The following ACOT11 variants were observed in gnomAD, a reference collection of about 807,000 sequenced individuals.
The protein encoded by ACOT11 is acyl-CoA thioesterase 11, also known as acyl-coenzyme A thioesterase 11.
A neutral mutation model predicts 77.5 loss-of-function variants in ACOT11; 69 were observed. The ratio of observed to expected loss-of-function variants is 0.89; its 90% CI spans 0.73 to 1.09. ACOT11 has a LOEUF of 1.09. Among genes scored for constraint, ACOT11 ranks in the 50% least tolerant of loss-of-function variants. The probability of loss-of-function intolerance (pLI) is 0.00; values close to 1 mark genes in which losing one functional copy is unlikely to be tolerated. For missense variants in ACOT11, 766 were observed against 813.7 expected, an observed-to-expected ratio of 0.94 and a Z score of 0.71; for synonymous variants, 279 against 313.0, an observed-to-expected ratio of 0.89 and a Z score of 1.15.
At chr1:54,631,573 A>T (rs1363857156) in intron 16 of ACOT11, among the ~76,000 whole-genome samples, 1 of 152,146 alleles carries the variant, frequency 6.6e-6, no homozygotes, top group East Asian at 1.9e-4. Flanking sequence ...AATTAATAGG[A>T]CTGCAGACCA....
chr1:54,598,204 C>G (rs1322871197), intron 7 of ACOT11: 2 of 152,286 alleles, frequency 1.3e-5, no homozygotes, highest in African/African-American at 4.8e-5. Flanking sequence ...GCAGTAAGAT[C>G]CTGGAGGAGC....
At chr1:54,599,591 G>A in intron 8 of ACOT11, 176 bp downstream of exon 8, 5 of 716,302 alleles carry the variant, frequency 7.0e-6, no homozygotes, top group Non-Finnish European at 9.7e-6. Flanking sequence ...CTTCTTGGGA[G>A]CCTTCCCTGG....
intron 10 of ACOT11, among the ~76,000 whole-genome samples, chr1:54,603,384 G>T (rs1400706189): frequency 3.3e-5 from 5 of 152,184 alleles, no homozygotes; most frequent in African/African-American, 1.2e-4. Flanking sequence ...AGCCAGGTGT[G>T]TCTGACTCTG....
intron 7 of ACOT11, 29 bp downstream of exon 7, chr1:54,597,444 C>G: frequency 1.3e-6 from 2 of 1,579,214 alleles, no homozygotes; most frequent in Non-Finnish European, 1.7e-6. Flanking sequence ...GCCTCTGCCT[C>G]CCCTCCTTTC....
chr1:54,612,785 T>C, downstream of ACOT11: 1 of 1,073,848 alleles, frequency 9.3e-7, no homozygotes, highest in East Asian at 2.4e-5. Flanking sequence ...CTCATCACAG[T>C]GCTAGGGAGT....
At chr1:54,551,732 G>GTTTTTGT (rs548318091) in intron 1 of ACOT11, among the ~76,000 whole-genome samples, 16 of 149,810 alleles carry the variant, frequency 1.1e-4, no homozygotes, top group African/African-American at 3.5e-4. Flanking sequence ...TTTTTGTTTT[G>GTTTTTGT]TTTTGTTTTT....
Position 54,609,648 on chromosome 1 carries a change from C to A in ACOT11, c.*536C>A, listed in dbSNP as rs1442203732. 3.7e-6 allele frequency: 6 copies of A among 1,613,866 alleles called. No homozygotes were observed. The Admixed American group carries it at 5.0e-5, about 13-fold the overall frequency. ...GCCACAGCTGTAAGCAGCTCTCTGC[C>A]AGCCACATGGCCGGGGACCGAAAAA... On this transcript the variant is annotated 3_prime_UTR_variant, in exon 16 of 16. Transcript: ENST00000343744.
At chr1:54,579,664 C>T (rs1245452727) in intron 1 of ACOT11, among the ~76,000 whole-genome samples, 1 of 152,192 alleles carries the variant, frequency 6.6e-6, no homozygotes, top group African/African-American at 2.4e-5. Flanking sequence ...TGGCCCACAA[C>T]TCTGGAGTGG....
downstream of ACOT11, among the ~76,000 whole-genome samples, chr1:54,613,452 G>A (rs915600398): frequency 6.7e-6 from 1 of 149,830 alleles, no homozygotes; most frequent in Non-Finnish European, 1.5e-5. Flanking sequence ...TTCCCTTCAT[G>A]TCTTTCTCTC....
rs760043558 is a variant in ACOT11, at chr1:54,609,292, C to T, written c.*180C>T. 2.0e-5 allele frequency: 32 copies of T among 1,607,650 alleles called. No homozygotes were observed. In the East Asian group the frequency reaches 7.2e-4, roughly 36 times the overall value. On this transcript the variant is annotated 3_prime_UTR_variant, in exon 16 of 16. Transcript: ENST00000343744. ...CTCAGTTTCTACCAACATGAGCCAG[C>T]AAGTCCTTGTGGTAGCCCTGGGGTA...
At position 54,584,046 on chromosome 1, in the gene ACOT11, G is replaced by A. The variant is rs116038342; in HGVS notation, c.34-609G>A. Among the ~76,000 whole-genome samples the A allele has an allele frequency of 0.031, 4,750 of 152,214 alleles. 256 individuals are homozygous for A. The highest frequency in any genetic ancestry group is 0.11 in the African/African-American group (4,556 of 41,512). ...TTCTCAGCCAGTTTTCCAGCTGGCA[G>A]CTGTTGTACCCAGCCCTGGATCAGA... On this transcript the variant is annotated intron_variant, in intron 1 of 15. Transcript: ENST00000343744. The surrounding 1 kb of genome is among the most constrained non-coding windows in gnomAD (Gnocchi z 6.3).
intron 1 of ACOT11, among the ~76,000 whole-genome samples, chr1:54,572,715 A>C (rs1331312496): frequency 6.6e-6 from 1 of 152,226 alleles, no homozygotes; most frequent in Non-Finnish European, 1.5e-5. Context: ...AGGAAGCCAC[A>C]GGGAGGCAGC....
chr1:54,550,033 A>G (rs1043317854), intron 1 of ACOT11, among the ~76,000 whole-genome samples: 6 of 152,200 alleles, frequency 3.9e-5, no homozygotes, highest in Non-Finnish European at 5.9e-5. Flanking sequence ...TCAGTTCTCT[A>G]TGAGGTAGGT....
chr1:54,561,055 C>T (rs1040408074), intron 1 of ACOT11, among the ~76,000 whole-genome samples: 4 of 151,550 alleles, frequency 2.6e-5, no homozygotes, highest in African/African-American at 7.3e-5. Context: ...TGTGAGCCAT[C>T]GTGCCCAGCT....
At chr1:54,623,597 C>G (rs1240407950) in intron 15 of ACOT11, 3 of 553,466 alleles carry the variant, frequency 5.4e-6, no homozygotes, top group Non-Finnish European at 9.6e-6. Context: ...ATCCTCTTCC[C>G]CACACCCTCC....
downstream of ACOT11, among the ~76,000 whole-genome samples, chr1:54,612,122 G>C: frequency 6.9e-6 from 1 of 144,576 alleles, no homozygotes; most frequent in South Asian, 2.3e-4. Flanking sequence ...TATAGTGGGG[G>C]CAGGGGAGTC....
At chr1:54,610,430 C>T, downstream of ACOT11, 1 of 1,613,452 alleles carries the variant, frequency 6.2e-7, no homozygotes, top group Non-Finnish European at 8.5e-7. Context: ...GTCATTGTTG[C>T]TGTTTTACCG....
intron 1 of ACOT11, among the ~76,000 whole-genome samples, chr1:54,576,005 T>C (rs1435276221): frequency 3.2e-4 from 49 of 152,276 alleles, no homozygotes; most frequent in Non-Finnish European, 4.4e-5. Flanking sequence ...GAAAGTTTCA[T>C]AATCAAAAGG....
At chr1:54,620,726 G>A (rs911649006) in intron 15 of ACOT11, among the ~76,000 whole-genome samples, 2 of 151,366 alleles carry the variant, frequency 1.3e-5, no homozygotes, top group African/African-American at 4.9e-5. Flanking sequence ...GCAGGAGCCT[G>A]TAATCCCAGC....
Sources: allele counts gnomAD v4.1 joint callset (sites outside exome capture counted in the v4.1 genomes callset), GRCh38; gene constraint gnomAD v4.1.1; non-coding constraint Gnocchi (gnomAD v3.1); transcripts MANE v1.5; gene names NCBI Gene and HGNC (gene_info 2026-07-23, HGNC 2026-07-21).